HIPK3: variants seen among roughly 807,000 people sequenced by gnomAD.
The protein encoded by HIPK3 is homeodomain interacting protein kinase 3.
Under a neutral mutation model 124.2 loss-of-function variants are expected in HIPK3, and 47 were observed. That is an observed-to-expected ratio of 0.38 (90% CI 0.30 to 0.48). The LOEUF (loss-of-function observed/expected upper bound fraction) is 0.48. Ranked by LOEUF, HIPK3 falls within the 20% of genes least tolerant of loss-of-function variation. The pLI, the probability that HIPK3 is intolerant of heterozygous loss-of-function variation, is 0.98. For missense variants in HIPK3, 1,286 were observed against 1,454.3 expected (o/e 0.88, Z 1.88); for synonymous variants, 482 against 515.2 (o/e 0.94, Z 0.87).
At chr11:33,273,020 G>C (rs1370369205) in intron 1 of HIPK3, among the ~76,000 whole-genome samples, 133 of 150,916 alleles carry the variant, frequency 8.8e-4, no homozygotes, top group Non-Finnish European at 1.0e-4. Flanking sequence ...TTTAAATAGA[G>C]ATGGGGTCTT....
intron 2 of HIPK3, among the ~76,000 whole-genome samples, chr11:33,308,206 A>G (rs1473849810): frequency 6.6e-6 from 1 of 152,198 alleles, no homozygotes. Flanking sequence ...TGCCATATTC[A>G]TGAATCAGAT....
intron 14 of HIPK3, 106 bp downstream of exon 14, chr11:33,349,393 T>A: frequency 2.3e-6 from 2 of 880,898 alleles, no homozygotes; most frequent in South Asian, 3.9e-5. Flanking sequence ...CACAGTGACT[T>A]CTATCTTGAA....
At chr11:33,329,134 A>T (rs1852897752) in intron 3 of HIPK3, among the ~76,000 whole-genome samples, 1 of 152,170 alleles carries the variant, frequency 6.6e-6, no homozygotes, top group African/African-American at 2.4e-5. Flanking sequence ...TCTCGGTAGA[A>T]TTCAGCAAAT....
intron 14 of HIPK3, among the ~76,000 whole-genome samples, chr11:33,350,933 AAT>A (rs979447306): frequency 2.0e-5 from 3 of 152,168 alleles, no homozygotes; most frequent in African/African-American, 7.2e-5. Context: ...TATATAAACA[AAT>A]ATACGTATAA....
At chr11:33,257,110 G>A (rs540921327), upstream of HIPK3, among the ~76,000 whole-genome samples, 15 of 152,276 alleles carry the variant, frequency 9.9e-5, no homozygotes, top group African/African-American at 3.6e-4. Flanking sequence ...GAACAGCAGA[G>A]CCGGGCTGAC....
At chr11:33,303,101 G>C (rs1372841534) in intron 2 of HIPK3, among the ~76,000 whole-genome samples, 1 of 152,076 alleles carries the variant, frequency 6.6e-6, no homozygotes, top group African/African-American at 2.4e-5. Flanking sequence ...CATTAGATGT[G>C]GTTGTCCCTT....
At chr11:33,336,087 G>T (rs1423122464) in intron 3 of HIPK3, among the ~76,000 whole-genome samples, 1 of 152,176 alleles carries the variant, frequency 6.6e-6, no homozygotes, top group Non-Finnish European at 1.5e-5. Context: ...GCGCAGTGGA[G>T]AAAAATATAG....
chr11:33,298,683 G>A (rs1851907010), intron 2 of HIPK3, among the ~76,000 whole-genome samples: 1 of 152,184 alleles, frequency 6.6e-6, no homozygotes, highest in Admixed American at 6.5e-5. Context: ...TGACTTCGAG[G>A]GGTTCAAGAC....
intron 2 of HIPK3, among the ~76,000 whole-genome samples, chr11:33,315,935 G>A (rs1852488406): frequency 1.3e-5 from 2 of 152,094 alleles, no homozygotes; most frequent in South Asian, 4.1e-4. Flanking sequence ...CTTTCAATAA[G>A]GATATTTTTA....
intron 2 of HIPK3, among the ~76,000 whole-genome samples, chr11:33,288,503 C>CT (rs1365134402): frequency 6.6e-6 from 1 of 152,146 alleles, no homozygotes; most frequent in Non-Finnish European, 1.5e-5. Context: ...TCCCGTGACT[C>CT]TTTAGGTCAC....
Position 33,297,427 on chromosome 11 carries a change from A to G in HIPK3, c.1097+9916A>G, listed in dbSNP as rs543718958. On this transcript the variant is annotated intron_variant, in intron 2 of 16. Coordinates refer to ENST00000303296, the MANE Select transcript of HIPK3 (RefSeq NM_005734.5). ...TTTTTGTGGTCTGGATAAGTGATCA[A>G]ATTAGTCACAACATTCCCTTAAGCC... 4.6e-5 allele frequency among the ~76,000 whole-genome samples: 7 copies of G among 152,284 alleles called. No homozygotes were observed. The South Asian group carries it at 1.4e-3, about 32-fold the overall frequency.
At chr11:33,346,082 A>G (rs1853483662) in intron 8 of HIPK3, among the ~76,000 whole-genome samples, 3 of 152,306 alleles carry the variant, frequency 2.0e-5, no homozygotes, top group African/African-American at 7.2e-5. Context: ...AATGATTTTC[A>G]TTAATGTACT....
intron 1 of HIPK3, among the ~76,000 whole-genome samples, chr11:33,261,959 A>G (rs935136572): frequency 3.9e-5 from 6 of 152,176 alleles, no homozygotes; most frequent in African/African-American, 1.4e-4. Context: ...CATTTCTGTA[A>G]TGATCAGTGA....
At chr11:33,339,728 T>C (rs1853274072) in intron 6 of HIPK3, among the ~76,000 whole-genome samples, 194 bp downstream of exon 6, 1 of 152,226 alleles carries the variant, frequency 6.6e-6, no homozygotes, top group Non-Finnish European at 1.5e-5. Flanking sequence ...TGCAGTCCAG[T>C]GTTCCTTCTC....
intron 1 of HIPK3, among the ~76,000 whole-genome samples, chr11:33,276,428 G>T (rs576992230): frequency 6.6e-6 from 1 of 152,104 alleles, no homozygotes; most frequent in Admixed American, 6.5e-5. Context: ...AATATTTTAA[G>T]TGTTAATATG....
intron 1 of HIPK3, among the ~76,000 whole-genome samples, chr11:33,274,397 A>G (rs554757873): frequency 6.6e-6 from 1 of 152,332 alleles, no homozygotes; most frequent in East Asian, 1.9e-4. Flanking sequence ...TATAAAGTAG[A>G]AAGCAATACA....
intron 2 of HIPK3, among the ~76,000 whole-genome samples, chr11:33,315,331 A>G (rs943483883): frequency 2.0e-5 from 3 of 152,192 alleles, no homozygotes; most frequent in Non-Finnish European, 4.4e-5. Flanking sequence ...GGCTCAAGCA[A>G]TTCTCATGCC....
intron 1 of HIPK3, among the ~76,000 whole-genome samples, chr11:33,281,645 T>C (rs889352046): frequency 1.3e-5 from 2 of 152,240 alleles, no homozygotes; most frequent in Admixed American, 6.5e-5. Flanking sequence ...TCTATAGATA[T>C]TCAGTGCATA....
At chr11:33,307,749 CTTG>C (rs200828058) in intron 2 of HIPK3, among the ~76,000 whole-genome samples, 2 of 149,506 alleles carry the variant, frequency 1.3e-5, no homozygotes, top group East Asian at 2.0e-4. Context: ...TTGTTTTATT[CTTG>C]TTGGTGTGTG....
Sources: allele counts gnomAD v4.1 joint callset (sites outside exome capture counted in the v4.1 genomes callset), GRCh38; gene constraint gnomAD v4.1.1; transcripts MANE v1.5; gene names NCBI Gene and HGNC (gene_info 2026-07-23, HGNC 2026-07-21).